The following DLGAP2 variants were observed in gnomAD, a reference collection of about 807,000 sequenced individuals.
The protein encoded by DLGAP2 is DLG associated protein 2, also known as disks large-associated protein 2.
In DLGAP2, 26 loss-of-function variants were observed where a neutral mutation model predicts 100.3. The ratio of observed to expected loss-of-function variants is 0.26; its 90% CI spans 0.19 to 0.36. The LOEUF (loss-of-function observed/expected upper bound fraction) is 0.36, where lower values mean the gene tolerates loss of function less well. Among genes scored for constraint, DLGAP2 ranks in the 10% least tolerant of loss-of-function variants. DLGAP2 has a pLI of 1.00. For missense variants in DLGAP2, 1,858 were observed against 1,453.2 expected, an observed-to-expected ratio of 1.28 and a Z score of -4.53; for synonymous variants, 886 against 630.1, an observed-to-expected ratio of 1.41 and a Z score of -6.08.
intron 1 of DLGAP2, among the ~76,000 whole-genome samples, chr8:827,263 AAGG>A (rs988961674): frequency 2.6e-5 from 4 of 152,208 alleles, no homozygotes; most frequent in Non-Finnish European, 4.4e-5. Flanking sequence ...TGTGAATAAG[AAGG>A]AGAAGGAGAT....
chr8:1,464,336 C>A (rs894393313), intron 3 of DLGAP2, among the ~76,000 whole-genome samples: 11 of 136,792 alleles, frequency 8.0e-5, no homozygotes, highest in South Asian at 2.4e-4. Flanking sequence ...CAGGACGGCA[C>A]CCTTCCAGGA....
chr8:956,425 G>A (rs1215330485), intron 2 of DLGAP2, among the ~76,000 whole-genome samples: 4 of 152,170 alleles, frequency 2.6e-5, no homozygotes, highest in Non-Finnish European at 5.9e-5. Flanking sequence ...GATCACTGCA[G>A]GCTGGTGTGG....
chr8:1,662,094 A>T (rs1456822508), intron 8 of DLGAP2, among the ~76,000 whole-genome samples: 1 of 152,232 alleles, frequency 6.6e-6, no homozygotes, highest in Non-Finnish European at 1.5e-5. Flanking sequence ...GTCATGAGGG[A>T]TGAACTGATG....
intron 9 of DLGAP2, 104 bp from the exon 10 acceptor site, chr8:1,669,638 CG>C: frequency 1.3e-6 from 1 of 763,668 alleles, no homozygotes; most frequent in Non-Finnish European, 2.4e-6. Context: ...CGGGCCCGTG[CG>C]GCGCTGGTAG....
chr8:1,285,959 A>C (rs1205824265), intron 3 of DLGAP2, among the ~76,000 whole-genome samples: 1 of 152,190 alleles, frequency 6.6e-6, no homozygotes, highest in Non-Finnish European at 1.5e-5. Context: ...GTCTCAAAGA[A>C]ACACCCAAAA....
chr8:1,312,210 A>T (rs757855235), intron 3 of DLGAP2, among the ~76,000 whole-genome samples: 1 of 152,236 alleles, frequency 6.6e-6, no homozygotes, highest in Non-Finnish European at 1.5e-5. Flanking sequence ...GACATAGATC[A>T]CAGACCTAAA....
chr8:852,580 C>A (rs1797202030), intron 1 of DLGAP2, among the ~76,000 whole-genome samples: 1 of 152,228 alleles, frequency 6.6e-6, no homozygotes, highest in Non-Finnish European at 1.5e-5. Context: ...ATGAGCAAAT[C>A]AACATCTCTC....
intron 6 of DLGAP2, among the ~76,000 whole-genome samples, chr8:1,590,394 T>G (rs1796256036): frequency 6.6e-6 from 1 of 152,206 alleles, no homozygotes; most frequent in Non-Finnish European, 1.5e-5. Context: ...CTGAAACTTA[T>G]TTCCATCTCC....
At chr8:1,167,858 C>A (rs372185350) in intron 2 of DLGAP2, among the ~76,000 whole-genome samples, 4 of 151,886 alleles carry the variant, frequency 2.6e-5, no homozygotes, top group African/African-American at 4.8e-5. Flanking sequence ...TAGACAGACA[C>A]GTTAGCAAGT....
At chr8:1,553,494 C>CA (rs1195984137) in intron 5 of DLGAP2, among the ~76,000 whole-genome samples, 8 of 152,226 alleles carry the variant, frequency 5.3e-5, no homozygotes, top group African/African-American at 1.9e-4. Context: ...GGCGTGTTCA[C>CA]GGGCAGCCCC....
rs571536680 is a variant in DLGAP2 at position 1,508,857 on chromosome 8, C to G, written c.172+7426C>G. Among the ~76,000 whole-genome samples, 5 of 151,866 alleles carry G rather than the reference C, an allele frequency of 3.3e-5. No homozygotes were observed. In the East Asian group the frequency reaches 8.0e-4, roughly 24 times the overall value. ...CTCGGGCTCCGGGGATTCGTAGGATCTCCAGAGGGGATCATTTGTAGTTAA... is the reference window on the plus strand; with the variant it reads ...CTCGGGCTCCGGGGATTCGTAGGATGTCCAGAGGGGATCATTTGTAGTTAA... On this transcript the variant is annotated intron_variant, in intron 4 of 14. Coordinates refer to ENST00000637795, the MANE Select transcript of DLGAP2 (RefSeq NM_001346810.2).
intron 2 of DLGAP2, among the ~76,000 whole-genome samples, chr8:984,641 G>A (rs938792199): frequency 5.9e-5 from 9 of 152,220 alleles, no homozygotes; most frequent in African/African-American, 2.2e-4. Context: ...GCGGTGTAAA[G>A]AGCACGGCCT....
At chr8:763,610 TA>T (rs1380862186) in intron 1 of DLGAP2, among the ~76,000 whole-genome samples, 2 of 152,090 alleles carry the variant, frequency 1.3e-5, no homozygotes, top group Non-Finnish European at 2.9e-5. Flanking sequence ...TGGCAGACGT[TA>T]GGCAGGTGAG....
At chr8:1,087,091 A>T (rs1224325521) in intron 2 of DLGAP2, among the ~76,000 whole-genome samples, 1 of 152,248 alleles carries the variant, frequency 6.6e-6, no homozygotes, top group Non-Finnish European at 1.5e-5. Context: ...CTAGAAATTA[A>T]CATGAGGAAG....
At chr8:1,190,165 A>C (rs138457273) in intron 2 of DLGAP2, among the ~76,000 whole-genome samples, 41 of 152,260 alleles carry the variant, frequency 2.7e-4, no homozygotes, top group African/African-American at 9.4e-4. Flanking sequence ...ATTGCACTTT[A>C]GATAAATAGA....
At chr8:756,588 A>G (rs1820926646) in intron 1 of DLGAP2, among the ~76,000 whole-genome samples, 1 of 152,098 alleles carries the variant, frequency 6.6e-6, no homozygotes, top group East Asian at 1.9e-4. Flanking sequence ...CCCTGAGATC[A>G]TACTGGGATC....
chr8:1,611,111 C>T (rs1258125118), intron 6 of DLGAP2, among the ~76,000 whole-genome samples: 1 of 142,364 alleles, frequency 7.0e-6, no homozygotes, highest in Non-Finnish European at 1.5e-5. Context: ...GACCAATATC[C>T]TTGATGAACA....
At chr8:1,358,898 G>A (rs923181280) in intron 3 of DLGAP2, among the ~76,000 whole-genome samples, 2 of 150,714 alleles carry the variant, frequency 1.3e-5, no homozygotes, top group Non-Finnish European at 3.0e-5. Flanking sequence ...CCAGAGACTC[G>A]GGAATTCTCG....
At chr8:1,584,341 C>A (rs561332565) in intron 6 of DLGAP2, among the ~76,000 whole-genome samples, 1 of 152,296 alleles carries the variant, frequency 6.6e-6, no homozygotes, top group African/African-American at 2.4e-5. Flanking sequence ...TTCTTAAGCT[C>A]CTTTAGGTTC....
Sources: gnomAD v4.1 joint callset for allele counts (sites outside exome capture counted in the v4.1 genomes callset) on GRCh38, gnomAD v4.1.1 for gene constraint, MANE v1.5 for transcripts, NCBI Gene and HGNC (gene_info 2026-07-23, HGNC 2026-07-21) for gene names.